The following TLL1 variants were observed in gnomAD, a reference collection of about 807,000 sequenced individuals.
TLL1 encodes the protein tolloid-like protein 1.
A neutral mutation model predicts 128.2 loss-of-function variants in TLL1; 49 were observed. That is an observed-to-expected ratio of 0.38 (90% CI 0.30 to 0.48). The LOEUF (loss-of-function observed/expected upper bound fraction) is 0.48. Among genes scored for constraint, TLL1 ranks in the 20% least tolerant of loss-of-function variants. The probability of loss-of-function intolerance (pLI) is 0.96; values close to 1 mark genes in which losing one functional copy is unlikely to be tolerated. For synonymous variants in TLL1, 454 were observed against 418.8 expected (o/e 1.08, Z -1.03); for missense variants, 1,123 against 1,242.0 (o/e 0.90, Z 1.44).
At chr4:166,029,230 ACTCT>A (rs1455647826) in intron 9 of TLL1, among the ~76,000 whole-genome samples, 2 of 151,626 alleles carry the variant, frequency 1.3e-5, no homozygotes, top group African/African-American at 4.8e-5. Flanking sequence ...ATCATTTGGT[ACTCT>A]CTACCAGCTT....
At chr4:165,948,685 C>T (rs1220628021) in intron 1 of TLL1, among the ~76,000 whole-genome samples, 1 of 152,108 alleles carries the variant, frequency 6.6e-6, no homozygotes, top group Non-Finnish European at 1.5e-5. Flanking sequence ...ATGCATTAAT[C>T]CATGAATGGA....
chr4:165,967,391 T>C lies in TLL1; in HGVS notation c.170-21990T>C, dbSNP rs150681282. Among the ~76,000 whole-genome samples, 672 of 152,274 alleles carry C rather than the reference T, an allele frequency of 4.4e-3. 7 individuals carry two copies. Among genetic ancestry groups the C allele is most frequent in the African/African-American group, 0.015 (603 of 41,568 alleles). On this transcript the variant is annotated intron_variant, in intron 1 of 20. Coordinates refer to ENST00000061240, the MANE Select transcript of TLL1 (RefSeq NM_012464.5). Reference sequence around the variant, plus strand: ...ACAGGCCTAGGAAATTATAAGAGCATTGATTGGGGAAGTGACAAATGTCCA... The same window carrying C: ...ACAGGCCTAGGAAATTATAAGAGCACTGATTGGGGAAGTGACAAATGTCCA...
chr4:166,088,155 G>A (rs1043018470), intron 18 of TLL1, among the ~76,000 whole-genome samples: 1 of 152,062 alleles, frequency 6.6e-6, no homozygotes, highest in Non-Finnish European at 1.5e-5. Context: ...AGCCTTGCTG[G>A]CTATCCTGTC....
At chr4:165,957,284 A>C (rs1734848993) in intron 1 of TLL1, among the ~76,000 whole-genome samples, 1 of 152,254 alleles carries the variant, frequency 6.6e-6, no homozygotes, top group Non-Finnish European at 1.5e-5. Context: ...TAAAGGATTC[A>C]ATTCACAAGA....
At chr4:165,900,326 G>C (rs1731917759) in intron 1 of TLL1, among the ~76,000 whole-genome samples, 1 of 152,056 alleles carries the variant, frequency 6.6e-6, no homozygotes, top group Non-Finnish European at 1.5e-5. Flanking sequence ...TTTCTTCATA[G>C]CGTCAATGGT....
Position 165,899,237 on chromosome 4 carries a change from T to G in TLL1, c.169+25164T>G, listed in dbSNP as rs137965936. Among the ~76,000 whole-genome samples, 564 of 152,162 alleles carry G rather than the reference T, an allele frequency of 3.7e-3. 2 individuals are homozygous for G. Among genetic ancestry groups the G allele is most frequent in the Non-Finnish European group, 5.9e-3 (404 of 68,036 alleles). ...ATTTCCTTCAGTTCTGCTGTGATCT[T>G]AGTTACTTTTTTTTGTCTTCTGCTA... On this transcript the variant is annotated intron_variant, in intron 1 of 20. Coordinates refer to ENST00000061240, the MANE Select transcript of TLL1 (RefSeq NM_012464.5).
At chr4:166,072,626 G>C (rs1290363578) in intron 16 of TLL1, among the ~76,000 whole-genome samples, 3 of 151,202 alleles carry the variant, frequency 2.0e-5, no homozygotes, top group Non-Finnish European at 4.4e-5. Context: ...TCAAAAATAT[G>C]AGCAAAGGAC....
chr4:165,895,772 C>T (rs1731648432), intron 1 of TLL1, among the ~76,000 whole-genome samples: 1 of 150,696 alleles, frequency 6.6e-6, no homozygotes, highest in African/African-American at 2.5e-5. Flanking sequence ...GCCTTCAAGA[C>T]TTATTTTACA....
At chr4:166,015,158 G>T (rs1296458422) in intron 8 of TLL1, among the ~76,000 whole-genome samples, 2 of 151,964 alleles carry the variant, frequency 1.3e-5, no homozygotes, top group African/African-American at 2.4e-5. Flanking sequence ...GAAAGAAAAA[G>T]ATTCTGTTTT....
Position 165,995,176 on chromosome 4 carries a change from T to C in TLL1, c.630T>C (p.Cys210=). The C allele has an allele frequency of 3.7e-6, 6 of 1,607,452 alleles. No homozygotes were observed. In the South Asian group the frequency reaches 5.5e-5, roughly 15 times the overall value. Residue 210 remains cysteine (C), a splice_region_variant and synonymous_variant, in exon 5 of 21, where the codon TGT becomes TGC. Transcript: ENST00000061240. Reference sequence around the variant, plus strand: ...ACATTGTATTCACCTATAGGCCTTGTGGGTAAGTAGAACTAGGTAGGGACT... The same window carrying C: ...ACATTGTATTCACCTATAGGCCTTGCGGGTAAGTAGAACTAGGTAGGGACT... ...ESYIVFTYRP[C]GCCSYVGRRG...
At position 166,092,800 on chromosome 4, in the gene TLL1, G is replaced by A. The variant is rs565060182; in HGVS notation, c.2656+1459G>A. On this transcript the variant is annotated intron_variant, in intron 19 of 20. Coordinates refer to ENST00000061240, the MANE Select transcript of TLL1 (RefSeq NM_012464.5). The stretch of plus-strand genomic sequence containing the variant: ...TACCCCTTGTAAGTGGGATAACTGA[G>A]GTTCCATTATGTCCCAGTGTGTTGG... Among the ~76,000 whole-genome samples the A allele has an allele frequency of 5.9e-5, 9 of 152,144 alleles. No homozygotes were observed. In the East Asian group the frequency reaches 1.7e-3, roughly 29 times the overall value.
At chr4:166,094,187 T>TATG (rs1741914571) in intron 19 of TLL1, among the ~76,000 whole-genome samples, 2 of 152,164 alleles carry the variant, frequency 1.3e-5, no homozygotes, top group African/African-American at 2.4e-5. Flanking sequence ...CTGTATGACA[T>TATG]AGATATTATC....
At chr4:165,977,141 T>C (rs72972275) in intron 1 of TLL1, among the ~76,000 whole-genome samples, 11,086 of 152,198 alleles carry the variant, frequency 0.073, 1,317 homozygotes, top group African/African-American at 0.25. Context: ...ATAGGCGATA[T>C]GGTTGGCTCT....
chr4:166,057,432 T>C, intron 14 of TLL1, 123 bp downstream of exon 14: 1 of 1,382,256 alleles, frequency 7.2e-7, no homozygotes, highest in South Asian at 1.2e-5. Flanking sequence ...CCTCAATTAG[T>C]AAGACTCAAT....
At chr4:165,919,687 A>G (rs186642647) in intron 1 of TLL1, 26 of 390,142 alleles carry the variant, frequency 6.7e-5, no homozygotes, top group Non-Finnish European at 1.3e-4. Context: ...AGCTTATTCT[A>G]GGCTTTCATC....
At chr4:166,024,685 A>G (rs764060657) in intron 8 of TLL1, among the ~76,000 whole-genome samples, 45 of 152,218 alleles carry the variant, frequency 3.0e-4, no homozygotes, top group Non-Finnish European at 5.1e-4. Flanking sequence ...CAAGAGGAAA[A>G]TACACAAATT....
intron 9 of TLL1, among the ~76,000 whole-genome samples, chr4:166,025,704 C>T (rs564764625): frequency 5.3e-5 from 8 of 152,020 alleles, no homozygotes; most frequent in East Asian, 1.9e-4. Flanking sequence ...ATCAGAAAGA[C>T]GCTTAGAAAA....
intron 1 of TLL1, among the ~76,000 whole-genome samples, chr4:165,948,276 G>A (rs1734350550): frequency 6.6e-6 from 1 of 152,024 alleles, no homozygotes; most frequent in Admixed American, 6.6e-5. Context: ...AATTTCACAG[G>A]TCCACAGATG....
intron 1 of TLL1, among the ~76,000 whole-genome samples, chr4:165,962,467 G>C (rs114906602): frequency 7.2e-5 from 11 of 152,266 alleles, no homozygotes; most frequent in Non-Finnish European, 1.6e-4. Flanking sequence ...CTTACACACT[G>C]TTGGTGGGAA....
Sources: allele counts gnomAD v4.1 joint callset (sites outside exome capture counted in the v4.1 genomes callset), GRCh38; gene constraint gnomAD v4.1.1; transcripts MANE v1.5; gene names NCBI Gene and HGNC (gene_info 2026-07-23, HGNC 2026-07-21).